Variants in GRM8 observed in about 807,000 individuals in gnomAD.
GRM8 encodes glutamate metabotropic receptor 8, also known as metabotropic glutamate receptor 8.
Under a neutral mutation model 87.2 loss-of-function variants are expected in GRM8, and 47 were observed. That is an observed-to-expected ratio of 0.54 (90% CI 0.43 to 0.69). The LOEUF (loss-of-function observed/expected upper bound fraction) is 0.69, where lower values mean the gene tolerates loss of function less well. GRM8 is among the 30% of genes least tolerant of loss of function. The pLI, the probability that GRM8 is intolerant of heterozygous loss-of-function variation, is 0.00. For synonymous variants in GRM8, 396 were observed against 404.5 expected, an observed-to-expected ratio of 0.98 and a Z score of 0.25; for missense variants, 1,019 against 1,139.2, an observed-to-expected ratio of 0.89 and a Z score of 1.52.
chr7:127,248,367 G>A (rs1592364), intron 1 of GRM8, among the ~76,000 whole-genome samples: 1 of 152,216 alleles, frequency 6.6e-6, no homozygotes, highest in African/African-American at 2.4e-5. Context: ...AGTCTCAGGC[G>A]AGAATTCAAA....
chr7:126,705,359 T>C (rs1345210), intron 7 of GRM8, among the ~76,000 whole-genome samples: 18,207 of 152,242 alleles, frequency 0.12, 1,486 homozygotes, highest in Non-Finnish European at 0.15. Flanking sequence ...TTTATCATTA[T>C]AATCATAATC....
intron 8 of GRM8, among the ~76,000 whole-genome samples, chr7:126,605,825 T>A (rs571418315): frequency 2.6e-5 from 4 of 152,200 alleles, no homozygotes; most frequent in Non-Finnish European, 5.9e-5. Flanking sequence ...CAGGCCAGAT[T>A]AGCAACCTCT....
intron 7 of GRM8, chr7:126,701,886 G>T: frequency 1.5e-6 from 1 of 651,590 alleles, no homozygotes; most frequent in Non-Finnish European, 2.5e-6. Context: ...CTATATGCCT[G>T]GTTTGCTTTA....
chr7:126,772,167 C>T (rs1818917933), intron 6 of GRM8, among the ~76,000 whole-genome samples: 1 of 152,040 alleles, frequency 6.6e-6, no homozygotes, highest in African/African-American at 2.4e-5. Context: ...GTAACTATCC[C>T]CTCTTGTTTA....
chr7:127,179,483 C>A (rs921128061), intron 2 of GRM8, among the ~76,000 whole-genome samples: 1 of 152,054 alleles, frequency 6.6e-6, no homozygotes, highest in African/African-American at 2.4e-5. Context: ...TTAAACTATA[C>A]CTTGGAACAA....
intron 6 of GRM8, among the ~76,000 whole-genome samples, chr7:126,862,960 A>G (rs940088107): frequency 1.3e-5 from 2 of 151,958 alleles, no homozygotes; most frequent in African/African-American, 4.8e-5. Context: ...CTATTGTATT[A>G]CTTTGTGCTT....
chr7:126,533,000 C>T lies in GRM8; in HGVS notation c.2382G>A (p.Trp794Ter). Residue 794 changes from tryptophan (W) to a stop codon, truncating the protein, a stop_gained, in exon 9 of 11, where the codon TGG (tryptophan) becomes TGA (stop). Coordinates refer to ENST00000339582, the MANE Select transcript of GRM8 (RefSeq NM_000845.3). LOFTEE classifies it high-confidence loss of function. ...CAAAAAAGATGGGGATGAAAGCTAA[C>T]CAAATGATGCAGGTGGTATACATGG... ...GFTMYTTCII[W>*]LAFIPIFFGT... The T allele has an allele frequency of 1.9e-6, 3 of 1,613,222 alleles. No individual in the cohort carries two copies. Among genetic ancestry groups the T allele is most frequent in the Non-Finnish European group, 2.5e-6 (3 of 1,179,696 alleles).
In GRM8 at chr7:126,440,410, CAAAAAAAAAAA is replaced by C. The variant is rs35828454; in HGVS notation, c.2678-1253_2678-1243del. Reference sequence around the variant, plus strand: ...TAGGCAACAGAGCAAGACTCCATCTCAAAAAAAAAAAAAAAAAAAAAAAATTTACAGTACTG... The same window carrying C: ...TAGGCAACAGAGCAAGACTCCATCTCAAAAAAAAAAAAATTTACAGTACTG... On this transcript the variant is annotated intron_variant, in intron 10 of 10. Transcript: ENST00000339582. Among the ~76,000 whole-genome samples, 60 of 75,434 alleles carry C rather than the reference CAAAAAAAAAAA, an allele frequency of 8.0e-4. No homozygotes were observed. The East Asian group carries it at 0.022, about 28-fold the overall frequency. The allele number at this position is 75,434 out of a possible 152,430, so 49.5% of individuals were successfully genotyped here.
intron 2 of GRM8, among the ~76,000 whole-genome samples, chr7:127,118,037 G>A (rs559643962): frequency 7.9e-5 from 12 of 152,276 alleles, no homozygotes; most frequent in East Asian, 1.9e-4. Flanking sequence ...GTGATTATCC[G>A]CATTCACAAA....
intron 7 of GRM8, among the ~76,000 whole-genome samples, chr7:126,737,262 T>C (rs1046707772): frequency 5.3e-5 from 8 of 152,002 alleles, no homozygotes; most frequent in African/African-American, 1.7e-4. Flanking sequence ...CCACCCAAGA[T>C]GGATAAGCTG....
intron 8 of GRM8, among the ~76,000 whole-genome samples, chr7:126,550,053 A>T (rs970089779): frequency 2.0e-5 from 3 of 150,086 alleles, no homozygotes; most frequent in Non-Finnish European, 4.5e-5. Flanking sequence ...TAAAAAAAAA[A>T]CTGTTAGAAA....
intron 9 of GRM8, among the ~76,000 whole-genome samples, chr7:126,467,078 G>A (rs888573058): frequency 6.6e-6 from 1 of 151,942 alleles, no homozygotes; most frequent in East Asian, 1.9e-4. Flanking sequence ...ACCTGCCATG[G>A]TGGTTTGCTG....
chr7:126,594,549 A>G (rs1031416035), intron 8 of GRM8, among the ~76,000 whole-genome samples: 1 of 152,094 alleles, frequency 6.6e-6, no homozygotes, highest in Non-Finnish European at 1.5e-5. Context: ...AGAGAGTAGA[A>G]TCATGGTTAA....
At chr7:127,069,654 G>A (rs902420924) in intron 3 of GRM8, among the ~76,000 whole-genome samples, 1 of 152,080 alleles carries the variant, frequency 6.6e-6, no homozygotes, top group African/African-American at 2.4e-5. Flanking sequence ...CCACCAGAAG[G>A]TTTCTCTCTC....
At chr7:126,750,118 A>C (rs1340928027) in intron 7 of GRM8, among the ~76,000 whole-genome samples, 2 of 152,174 alleles carry the variant, frequency 1.3e-5, no homozygotes, top group East Asian at 3.8e-4. Flanking sequence ...ATGAATACAC[A>C]AATTGTGATA....
chr7:127,096,723 C>T (rs1824693720), intron 3 of GRM8, among the ~76,000 whole-genome samples: 1 of 152,120 alleles, frequency 6.6e-6, no homozygotes, highest in African/African-American at 2.4e-5. Context: ...CCCTTTGCTA[C>T]AATATGACAA....
At chr7:127,146,630 A>C (rs17866350) in intron 2 of GRM8, among the ~76,000 whole-genome samples, 2 of 152,186 alleles carry the variant, frequency 1.3e-5, no homozygotes, top group East Asian at 1.9e-4. Context: ...TTCCTGTTTT[A>C]ATCTGCAAGA....
intron 7 of GRM8, among the ~76,000 whole-genome samples, chr7:126,652,008 T>A (rs1391550166): frequency 2.0e-5 from 3 of 152,188 alleles, no homozygotes; most frequent in African/African-American, 7.2e-5. Flanking sequence ...TAGAAGGTAG[T>A]CATCAATACC....
chr7:126,940,618 T>A (rs1806815651), intron 3 of GRM8, among the ~76,000 whole-genome samples: 2 of 152,180 alleles, frequency 1.3e-5, no homozygotes, highest in Non-Finnish European at 2.9e-5. Context: ...TGATCCTCCA[T>A]CACTCAAAAC....
Sources: allele counts gnomAD v4.1 joint callset (sites outside exome capture counted in the v4.1 genomes callset), GRCh38; gene constraint gnomAD v4.1.1; transcripts MANE v1.5; gene names NCBI Gene and HGNC (gene_info 2026-07-23, HGNC 2026-07-21).